Variants in SREBF2 observed in about 807,000 individuals in gnomAD.
SREBF2 encodes the protein sterol regulatory element-binding protein 2.
A neutral mutation model predicts 113.1 loss-of-function variants in SREBF2; 55 were observed. That is an observed-to-expected ratio of 0.49 (90% CI 0.39 to 0.61). The LOEUF (loss-of-function observed/expected upper bound fraction) is 0.61, where lower values mean the gene tolerates loss of function less well. SREBF2 is among the 20% of genes least tolerant of loss of function. The pLI is 0.00. For missense variants in SREBF2, 1,349 were observed against 1,487.4 expected, an observed-to-expected ratio of 0.91 and a Z score of 1.53; for synonymous variants, 593 against 605.7, an observed-to-expected ratio of 0.98 and a Z score of 0.31.
intron 1 of SREBF2, among the ~76,000 whole-genome samples, chr22:41,840,249 C>T (rs2076816150): frequency 1.3e-5 from 2 of 152,120 alleles, no homozygotes; most frequent in South Asian, 2.1e-4. Context: ...TGAGCCACCG[C>T]GCCCGGCCCA....
At chr22:41,853,275 G>T (rs888763176) in intron 1 of SREBF2, among the ~76,000 whole-genome samples, 19 of 152,106 alleles carry the variant, frequency 1.2e-4, no homozygotes, top group African/African-American at 4.1e-4. Context: ...GCCCAGTATG[G>T]TGCCCTGCCC....
intron 4 of SREBF2, among the ~76,000 whole-genome samples, chr22:41,873,279 C>T (rs1201695126): frequency 6.6e-6 from 1 of 152,058 alleles, no homozygotes; most frequent in Non-Finnish European, 1.5e-5. Context: ...GGGAGACCTC[C>T]ATGGTTGGCC....
chr22:41,880,981 T>A lies in SREBF2; in HGVS notation c.2027T>A (p.Leu676Gln), dbSNP rs1318474190. 2 of 1,607,854 alleles carry A rather than the reference T, an allele frequency of 1.2e-6. No individual in the cohort carries two copies. Residue 676 changes from leucine to glutamine, a missense_variant, in exon 10 of 19, where the codon CTG becomes CAG. Physicochemically the swap from Leu to Gln is moderately radical, Grantham distance 113 (BLOSUM62 -2). This residue lies in a region of SREBF2 where 650 missense variants were observed against 644.1 expected (regional missense o/e 1.01). Coordinates refer to ENST00000361204, the MANE Select transcript of SREBF2 (RefSeq NM_004599.4). ...AALAYHRLHQ[L>Q]HITGKLPAGS... is the part of the protein sequence containing the mutation. Reference sequence around the variant, plus strand: ...CTGGCCTATCACCGGCTGCACCAGCTGCACATCACAGGTGAGGGGGCAGCT... The same window carrying A: ...CTGGCCTATCACCGGCTGCACCAGCAGCACATCACAGGTGAGGGGGCAGCT...
At chr22:41,856,284 G>A (rs1485304866) in intron 1 of SREBF2, among the ~76,000 whole-genome samples, 1 of 151,916 alleles carries the variant, frequency 6.6e-6, no homozygotes, top group African/African-American at 2.4e-5. Context: ...GTGCCACCAT[G>A]CCCCCTGCTA....
Position 41,866,889 on chromosome 22 carries a change from G to A in SREBF2, c.147G>A (p.Gln49=), listed in dbSNP as rs754285079. 3.1e-6 allele frequency: 5 copies of A among 1,614,066 alleles called. No individual in the cohort carries two copies. Among genetic ancestry groups the A allele is most frequent in the Admixed American group, 3.3e-5 (2 of 59,984 alleles). ...VGEFPDLFSE[Q]LCSSFPGSGG... The stretch of plus-strand genomic sequence containing the variant: ...AGTTCCCTGACTTGTTTTCAGAACA[G>A]CTGTGTAGCTCCTTTCCTGGCAGTG... The change falls in exon 2 of 19, where the codon CAG becomes CAA. Residue 49 remains glutamine, a synonymous_variant. Transcript: ENST00000361204.
In SREBF2 at chr22:41,893,144, C is replaced by T; in HGVS notation, c.2236C>T (p.Leu746=). ...CTACTTCCTCAGCCGAGCCCAGAGC[C>T]TGTGTGGCCCCGAGCACAGTGCTGT... ...ASYFLSRAQS[L]CGPEHSAVPD... is the part of the protein sequence containing the mutation. The change falls in exon 12 of 19, where the codon CTG becomes TTG. Residue 746 remains leucine (L), a synonymous_variant. Transcript: ENST00000361204. 1 of 1,614,036 alleles carries T rather than the reference C, an allele frequency of 6.2e-7. No homozygotes were observed. Among genetic ancestry groups the T allele is most frequent in the Non-Finnish European group, 8.5e-7 (1 of 1,180,036 alleles).
At chr22:41,898,875 G>A (rs773038329) in intron 15 of SREBF2, 94 bp downstream of exon 15, 7 of 1,544,842 alleles carry the variant, frequency 4.5e-6, no homozygotes, top group Non-Finnish European at 6.1e-6. Context: ...GCGTGTTGGG[G>A]TGAAGGGTCA....
At chr22:41,886,915 T>A (rs2077304720) in intron 11 of SREBF2, among the ~76,000 whole-genome samples, 2 of 152,122 alleles carry the variant, frequency 1.3e-5, no homozygotes, top group Non-Finnish European at 2.9e-5. Context: ...GTGCCTATAA[T>A]CTCAGCTACT....
chr22:41,843,418 G>T (rs2076846666), intron 1 of SREBF2, among the ~76,000 whole-genome samples: 1 of 152,238 alleles, frequency 6.6e-6, no homozygotes, highest in Admixed American at 6.5e-5. Context: ...GTATGGCCTT[G>T]GGTGCCAGGC....
At chr22:41,853,516 C>G (rs2076950953) in intron 1 of SREBF2, among the ~76,000 whole-genome samples, 1 of 152,198 alleles carries the variant, frequency 6.6e-6, no homozygotes, top group Non-Finnish European at 1.5e-5. Context: ...ATATTGTGAT[C>G]CTTTCACTAA....
chr22:41,854,187 G>T (rs2076957022), intron 1 of SREBF2, among the ~76,000 whole-genome samples: 1 of 151,548 alleles, frequency 6.6e-6, no homozygotes, highest in Admixed American at 6.6e-5. Context: ...TTTTGAGATG[G>T]CGTTTCACTC....
intron 6 of SREBF2, 23 bp from the exon 7 acceptor site, chr22:41,875,520 A>T (rs2077187793): frequency 6.2e-7 from 1 of 1,614,200 alleles, no homozygotes; most frequent in Non-Finnish European, 8.5e-7. Context: ...GATCATTTTC[A>T]CCAGGTGGGG....
intron 17 of SREBF2, among the ~76,000 whole-genome samples, chr22:41,903,597 C>T (rs150844556): frequency 7.0e-4 from 107 of 152,380 alleles, no homozygotes; most frequent in African/African-American, 2.5e-3. Context: ...GCAGTGGCCA[C>T]GTGATCTGAA....
At chr22:41,852,728 ATTTTTTTTTTTTTTTT>A (rs544824099) in intron 1 of SREBF2, among the ~76,000 whole-genome samples, 2 of 40,350 alleles carry the variant, frequency 5.0e-5, no homozygotes, top group Non-Finnish European at 9.2e-5. Flanking sequence ...TCTCAGAATG[ATTTTTTTTTTTTTTTT>A]TTTTTTTTTT....
In SREBF2 at chr22:41,863,598, C is replaced by T. The variant is rs1376259411; in HGVS notation, c.89-3233C>T. On this transcript the variant is annotated intron_variant, in intron 1 of 18. Transcript: ENST00000361204. ...GACATTTCTCAGTTTAATCATGTCA[C>T]GGAATTGGAATTGGTTAGTACAAGC... Among the ~76,000 whole-genome samples, 6 of 152,172 alleles carry T rather than the reference C, an allele frequency of 3.9e-5. No homozygotes were observed. In the South Asian group the frequency reaches 1.0e-3, roughly 26 times the overall value.
intron 12 of SREBF2, among the ~76,000 whole-genome samples, chr22:41,893,940 G>C (rs1056951536): frequency 4.6e-5 from 7 of 152,208 alleles, no homozygotes; most frequent in Non-Finnish European, 8.8e-5. Context: ...TCTGTGGGGA[G>C]AGTAAGGTTC....
Position 41,848,137 on chromosome 22 carries a change from C to T in SREBF2, c.88+14779C>T, listed in dbSNP as rs144767507. 4.3e-3 allele frequency among the ~76,000 whole-genome samples: 653 copies of T among 152,052 alleles called. 4 individuals are homozygous for T. Among genetic ancestry groups the T allele is most frequent in the African/African-American group, 0.015 (612 of 41,488 alleles). On this transcript the variant is annotated intron_variant, in intron 1 of 18. Transcript: ENST00000361204. ...TTATTATACTTTGAGTTTTAGGGTA[C>T]ATGTGCACAATGTGCAGGTTAGTTA...
chr22:41,874,778 G>A (rs2077178667), intron 5 of SREBF2, among the ~76,000 whole-genome samples: 1 of 152,154 alleles, frequency 6.6e-6, no homozygotes, highest in Admixed American at 6.5e-5. Context: ...GTGCTGGCAG[G>A]TGCCTGTAAT....
intron 1 of SREBF2, among the ~76,000 whole-genome samples, chr22:41,855,483 C>G (rs568347850): frequency 5.9e-5 from 9 of 152,244 alleles, no homozygotes; most frequent in Non-Finnish European, 8.8e-5. Flanking sequence ...GATTGTGCCA[C>G]TGCACTCCAG....
Sources: gnomAD v4.1 joint callset for allele counts (sites outside exome capture counted in the v4.1 genomes callset) on GRCh38, gnomAD v4.1.1 for gene constraint, gnomAD v4.1.1 regional missense constraint, MANE v1.5 for transcripts, NCBI Gene and HGNC (gene_info 2026-07-23, HGNC 2026-07-21) for gene names.